Variants in CNTNAP4 observed in about 807,000 individuals in gnomAD.
The protein encoded by CNTNAP4 is contactin associated protein family member 4, also known as contactin-associated protein-like 4.
A neutral mutation model predicts 148.4 loss-of-function variants in CNTNAP4; 98 were observed. The ratio of observed to expected loss-of-function variants is 0.66; its 90% CI spans 0.56 to 0.78. The LOEUF (loss-of-function observed/expected upper bound fraction) is 0.78. Among genes scored for constraint, CNTNAP4 ranks in the 30% least tolerant of loss-of-function variants. The probability of loss-of-function intolerance (pLI) is 0.00; values close to 1 mark genes in which losing one functional copy is unlikely to be tolerated. For synonymous variants in CNTNAP4, 730 were observed against 565.1 expected, an observed-to-expected ratio of 1.29 and a Z score of -4.14; for missense variants, 1,935 against 1,565.6, an observed-to-expected ratio of 1.24 and a Z score of -3.98.
rs538625353 is a variant in CNTNAP4, at chr16:76,530,020, G to A, written c.2756-5525G>A. Among the ~76,000 whole-genome samples the A allele has an allele frequency of 2.0e-5, 3 of 151,878 alleles. No individual in the cohort carries two copies. The South Asian group carries it at 6.2e-4, about 32-fold the overall frequency. On this transcript the variant is annotated intron_variant, in intron 17 of 23. Coordinates refer to ENST00000611870, the MANE Select transcript of CNTNAP4 (RefSeq NM_033401.5). The stretch of plus-strand genomic sequence containing the variant: ...AAGTGGCTGTTCAGATCTGTTGCCC[G>A]TTTTCTATGAGATTGTCTTATTTTT...
chr16:76,533,383 C>T (rs1462365382), intron 17 of CNTNAP4, among the ~76,000 whole-genome samples: 1 of 152,068 alleles, frequency 6.6e-6, no homozygotes, highest in Admixed American at 6.6e-5. Flanking sequence ...TATACTATTA[C>T]AGCTAGACAG....
At chr16:76,376,773 G>T (rs956090196) in intron 3 of CNTNAP4, among the ~76,000 whole-genome samples, 4 of 152,202 alleles carry the variant, frequency 2.6e-5, no homozygotes, top group African/African-American at 7.2e-5. Flanking sequence ...ACATATAGGG[G>T]CTGGCAAGAG....
chr16:76,454,058 C>T (rs890282485), intron 8 of CNTNAP4, among the ~76,000 whole-genome samples: 2 of 151,400 alleles, frequency 1.3e-5, no homozygotes, highest in Non-Finnish European at 2.9e-5. Context: ...TTAAAGAAAC[C>T]GCTTCAGTGC....
intron 15 of CNTNAP4, among the ~76,000 whole-genome samples, chr16:76,520,797 T>C (rs1203868685): frequency 2.6e-5 from 4 of 152,190 alleles, no homozygotes; most frequent in Admixed American, 2.6e-4. Context: ...AGATTGCCTA[T>C]TTATCAATGT....
At chr16:76,382,401 C>G (rs1423636079) in intron 3 of CNTNAP4, among the ~76,000 whole-genome samples, 1 of 152,050 alleles carries the variant, frequency 6.6e-6, no homozygotes, top group African/African-American at 2.4e-5. Context: ...AAATCTTAAG[C>G]TACTTTCAAT....
chr16:76,462,257 C>T (rs2081002591), intron 9 of CNTNAP4, among the ~76,000 whole-genome samples, 152 bp downstream of exon 9: 1 of 152,056 alleles, frequency 6.6e-6, no homozygotes, highest in Admixed American at 6.5e-5. Context: ...TGGATCAAGT[C>T]GAAAAATTCT....
chr16:76,327,528 C>T (rs1028184966), intron 2 of CNTNAP4, among the ~76,000 whole-genome samples: 1 of 152,106 alleles, frequency 6.6e-6, no homozygotes, highest in Non-Finnish European at 1.5e-5. Context: ...TTTTGTATGA[C>T]ACTTACATCC....
chr16:76,300,644 A>T (rs929425030), intron 1 of CNTNAP4, among the ~76,000 whole-genome samples: 2 of 152,244 alleles, frequency 1.3e-5, no homozygotes, highest in East Asian at 3.8e-4. Flanking sequence ...TCAATTTTTC[A>T]TATAGAAAAT....
chr16:76,499,425 C>G (rs551796241), intron 15 of CNTNAP4, among the ~76,000 whole-genome samples: 2 of 152,098 alleles, frequency 1.3e-5, no homozygotes, highest in East Asian at 1.9e-4. Flanking sequence ...TGGAAAAGGC[C>G]TATCACTGCC....
At chr16:76,327,549 G>C (rs1319930092) in intron 2 of CNTNAP4, among the ~76,000 whole-genome samples, 1 of 152,098 alleles carries the variant, frequency 6.6e-6, no homozygotes, top group Non-Finnish European at 1.5e-5. Flanking sequence ...TCTAAACCCT[G>C]TCTCTCTCTC....
chr16:76,430,046 A>T (rs1353642043), intron 4 of CNTNAP4, among the ~76,000 whole-genome samples: 1 of 152,192 alleles, frequency 6.6e-6, no homozygotes, highest in African/African-American at 2.4e-5. Flanking sequence ...TGGGTTGGGC[A>T]TGAGTACCTT....
chr16:76,330,109 A>C (rs1466525126), intron 2 of CNTNAP4, among the ~76,000 whole-genome samples: 1 of 152,080 alleles, frequency 6.6e-6, no homozygotes, highest in Non-Finnish European at 1.5e-5. Flanking sequence ...GTTTTTTCTC[A>C]CTTTATCAAC....
intron 3 of CNTNAP4, among the ~76,000 whole-genome samples, chr16:76,418,758 C>A (rs1205219161): frequency 2.7e-5 from 4 of 150,800 alleles, no homozygotes; most frequent in Non-Finnish European, 3.0e-5. Flanking sequence ...TTTGCCATTC[C>A]TTGTAATATT....
chr16:76,302,480 C>T (rs1056592905), intron 1 of CNTNAP4, among the ~76,000 whole-genome samples: 2 of 152,106 alleles, frequency 1.3e-5, no homozygotes, highest in East Asian at 1.9e-4. Flanking sequence ...CTTTCTATAA[C>T]ACGGTGATTT....
At chr16:76,483,503 G>C (rs925993612) in intron 12 of CNTNAP4, among the ~76,000 whole-genome samples, 1 of 152,096 alleles carries the variant, frequency 6.6e-6, no homozygotes, top group African/African-American at 2.4e-5. Flanking sequence ...TTAACATTGA[G>C]CTCATGGCCA....
intron 3 of CNTNAP4, among the ~76,000 whole-genome samples, chr16:76,412,619 A>G (rs777026433): frequency 2.6e-5 from 4 of 151,394 alleles, no homozygotes; most frequent in Admixed American, 6.6e-5. Flanking sequence ...GCATTGTCCA[A>G]TGTCTAATAA....
In CNTNAP4 at chr16:76,281,890, C is replaced by A. The variant is rs533364760; in HGVS notation, c.85+4143C>A. On this transcript the variant is annotated intron_variant, in intron 1 of 23. Transcript: ENST00000611870. ...ATTCTTCCACTTATTAGTAAACCTG[C>A]ATGACAAAAATTTCTACTCAAATAT... 3.9e-5 allele frequency among the ~76,000 whole-genome samples: 6 copies of A among 151,930 alleles called. No homozygotes were observed. The East Asian group carries it at 9.7e-4, about 24-fold the overall frequency.
chr16:76,318,069 G>A (rs1026783682), intron 2 of CNTNAP4, among the ~76,000 whole-genome samples: 2 of 152,146 alleles, frequency 1.3e-5, no homozygotes, highest in African/African-American at 2.4e-5. Flanking sequence ...CCCATCAGGG[G>A]ACTTTCCTAG....
chr16:76,296,144 T>C (rs2143879039), intron 1 of CNTNAP4, among the ~76,000 whole-genome samples: 1 of 152,366 alleles, frequency 6.6e-6, no homozygotes, highest in East Asian at 1.9e-4. Flanking sequence ...GTAAAATCTT[T>C]CTGAAATAAG....
Sources: allele counts gnomAD v4.1 joint callset (sites outside exome capture counted in the v4.1 genomes callset), GRCh38; gene constraint gnomAD v4.1.1; transcripts MANE v1.5; gene names NCBI Gene and HGNC (gene_info 2026-07-23, HGNC 2026-07-21).